The following ARCN1 variants were observed in gnomAD, a reference collection of about 807,000 sequenced individuals.
The protein encoded by ARCN1 is archain 1 coat protein complex I subunit delta.
In ARCN1, 5 loss-of-function variants were observed where a neutral mutation model predicts 60.4. That is an observed-to-expected ratio of 0.08 (90% CI 0.04 to 0.17). The LOEUF (loss-of-function observed/expected upper bound fraction) is 0.17, where lower values mean the gene tolerates loss of function less well. Among genes scored for constraint, ARCN1 ranks in the 10% least tolerant of loss-of-function variants. The pLI is 1.00. For missense variants in ARCN1, 464 were observed against 626.5 expected (o/e 0.74, Z 2.77); for synonymous variants, 224 against 220.0 (o/e 1.02, Z -0.16).
In ARCN1 at chr11:118,572,542, C is replaced by T; in HGVS notation, c.-6C>T. The T allele has an allele frequency of 6.2e-7, 1 of 1,611,522 alleles. No homozygotes were observed. The highest frequency in any genetic ancestry group is 8.5e-7 in the Non-Finnish European group (1 of 1,179,242). Reference sequence around the variant, plus strand: ...AGTGCGGGCGCGCCCCACCACCGCCCTCACCATGGTAAGATCCGAGCCAGG... The same window carrying T: ...AGTGCGGGCGCGCCCCACCACCGCCTTCACCATGGTAAGATCCGAGCCAGG... On this transcript the variant is annotated 5_prime_UTR_variant, in exon 1 of 10. Coordinates refer to ENST00000264028, the MANE Select transcript of ARCN1 (RefSeq NM_001655.5).
intron 8 of ARCN1, among the ~76,000 whole-genome samples, chr11:118,596,887 A>G (rs782312535): frequency 7.9e-5 from 12 of 152,228 alleles, no homozygotes; most frequent in African/African-American, 1.4e-4. Context: ...GTCAACTTCA[A>G]TAAGTTTGAA....
intron 2 of ARCN1, among the ~76,000 whole-genome samples, chr11:118,582,725 TAAA>T (rs1206435516): frequency 5.9e-5 from 6 of 100,856 alleles, no homozygotes; most frequent in Admixed American, 2.2e-4. Context: ...GACTTTGTCT[TAAA>T]AAAAAAAAAA....
chr11:118,596,005 T>C (rs1204811100), intron 8 of ARCN1, among the ~76,000 whole-genome samples: 2 of 151,750 alleles, frequency 1.3e-5, no homozygotes, highest in African/African-American at 4.9e-5. Flanking sequence ...AGGCGGAGCT[T>C]GCAGTGAGCT....
chr11:118,578,824 CTT>C (rs1938581993), intron 1 of ARCN1, among the ~76,000 whole-genome samples: 4 of 146,376 alleles, frequency 2.7e-5, no homozygotes, highest in Non-Finnish European at 6.0e-5. Context: ...GTGCGGATCA[CTT>C]TAGCCCAGGA....
At chr11:118,575,374 G>A (rs1325554930) in intron 1 of ARCN1, among the ~76,000 whole-genome samples, 1 of 151,822 alleles carries the variant, frequency 6.6e-6, no homozygotes, top group Non-Finnish European at 1.5e-5. Flanking sequence ...ATCTATTTAT[G>A]TCTTCATATA....
chr11:118,587,900 C>T (rs931674614), intron 5 of ARCN1, among the ~76,000 whole-genome samples: 2 of 152,202 alleles, frequency 1.3e-5, no homozygotes, highest in African/African-American at 4.8e-5. Context: ...ACTTACTTGA[C>T]ATTTATCAGT....
At chr11:118,572,929 A>T (rs938882458) in intron 1 of ARCN1, 1 of 263,718 alleles carries the variant, frequency 3.8e-6, no homozygotes, top group African/African-American at 2.2e-5. Flanking sequence ...TAGGCTCAGC[A>T]GGCTGGGCCT....
intron 8 of ARCN1, among the ~76,000 whole-genome samples, chr11:118,596,465 C>T (rs1216106278): frequency 6.6e-6 from 1 of 152,198 alleles, no homozygotes; most frequent in African/African-American, 2.4e-5. Context: ...CTCCCGTTGT[C>T]TAGAACTGAT....
Position 118,584,513 on chromosome 11 carries a change from A to T in ARCN1, c.687A>T (p.Gly229=), listed in dbSNP as rs1328473018. Residue 229 remains glycine, a synonymous_variant, in exon 5 of 10, where the codon GGA becomes GGT. Transcript: ENST00000264028. The part of the protein sequence containing the change: ...PSGPSKALKL[G]AKGKEVDNFV... ...GCCCCAGCAAGGCTTTAAAACTTGG[A>T]GCCAAAGGAAAGGAAGTAGATAACT... The T allele has an allele frequency of 1.2e-6, 2 of 1,613,350 alleles. No individual in the cohort carries two copies. The highest frequency in any genetic ancestry group is 3.3e-5 in the Admixed American group (2 of 59,798).
At position 118,592,742 on chromosome 11, in the gene ARCN1, G is replaced by A; in HGVS notation, c.1018G>A (p.Ala340Thr). Residue 340 changes from alanine to threonine, a missense_variant, in exon 7 of 10, where the codon GCA becomes ACA. By Grantham distance (58) the Ala-to-Thr change is moderately conservative. This residue lies in a region of ARCN1 where 359 missense variants were observed against 440.2 expected (regional missense o/e 0.82). Transcript: ENST00000264028. Reference sequence around the variant, plus strand: ...AAATGTGGATAAAAAACTTTTCACTGCAGAGTCTCTAATTGGCCTGAAGAA... The same window carrying A: ...AAATGTGGATAAAAAACTTTTCACTACAGAGTCTCTAATTGGCCTGAAGAA... ...HPNVDKKLFT[A>T]ESLIGLKNPE... 6.2e-7 allele frequency: 1 copy of A among 1,613,890 alleles called. No homozygotes were observed. Among genetic ancestry groups the A allele is most frequent in the Non-Finnish European group, 8.5e-7 (1 of 1,179,904 alleles).
intron 1 of ARCN1, 57 bp from the exon 2 acceptor site, chr11:118,581,189 T>C (rs1938641465): frequency 1.3e-6 from 2 of 1,592,602 alleles, no homozygotes; most frequent in African/African-American, 1.3e-5. Flanking sequence ...CCTGAGATGC[T>C]GAGAAAACAG....
At chr11:118,593,768 A>G in intron 8 of ARCN1, 70 bp downstream of exon 8, 2 of 983,806 alleles carry the variant, frequency 2.0e-6, no homozygotes, top group Non-Finnish European at 1.6e-6. Flanking sequence ...TTTTGGAGTC[A>G]GCACCTACCT....
In ARCN1 at chr11:118,595,131, G is replaced by A. The variant is rs1261482778; in HGVS notation, c.1241+1433G>A. On this transcript the variant is annotated intron_variant, in intron 8 of 9. Transcript: ENST00000264028. The stretch of plus-strand genomic sequence containing the variant: ...TTCCCAAAGTGCTGGGATTACAGGC[G>A]TGAGCCACTGCACCTGGCCTGGAGC... Among the ~76,000 whole-genome samples, 4 of 152,234 alleles carry A rather than the reference G, an allele frequency of 2.6e-5. No individual in the cohort carries two copies. The South Asian group carries it at 6.2e-4, about 24-fold the overall frequency.
chr11:118,597,626 T>C, intron 8 of ARCN1, 81 bp from the exon 9 acceptor site: 2 of 1,496,068 alleles, frequency 1.3e-6, no homozygotes, highest in East Asian at 2.4e-5. Flanking sequence ...TTGGGGATCA[T>C]ATATCAAATT....
chr11:118,581,383 G>A lies in ARCN1; in HGVS notation c.141G>A (p.Thr47=), dbSNP rs781824770. Residue 47 remains threonine, a synonymous_variant, in exon 2 of 10, where the codon ACG becomes ACA. Coordinates refer to ENST00000264028, the MANE Select transcript of ARCN1 (RefSeq NM_001655.5). ...TCATGAACACTGGAAAACAACATAC[G>A]TTTGTTGAAACAGAGAGTGTAAGAT... ...PKLMNTGKQH[T]FVETESVRYV... 7 of 1,614,156 alleles carry A rather than the reference G, an allele frequency of 4.3e-6. No individual in the cohort carries two copies. Among genetic ancestry groups the A allele is most frequent in the Middle Eastern group, 1.6e-4 (1 of 6,062 alleles).
At chr11:118,591,923 TA>T (rs1212842377) in intron 6 of ARCN1, among the ~76,000 whole-genome samples, 4 of 151,722 alleles carry the variant, frequency 2.6e-5, no homozygotes, top group Admixed American at 1.3e-4. Context: ...TTTATTTATT[TA>T]TTTTTTATTT....
intron 2 of ARCN1, among the ~76,000 whole-genome samples, chr11:118,582,390 G>A (rs571607808): frequency 1.3e-5 from 2 of 152,106 alleles, no homozygotes; most frequent in East Asian, 2.0e-4. Context: ...TTGGCGTCCC[G>A]AAGTGCTGGG....
chr11:118,601,547 A>C lies in ARCN1; in HGVS notation c.*833A>C. ...TTTACAGGCATTATATTTATTTGGC[A>C]CTCCTGGAACAAGTATATCTAACCC... On this transcript the variant is annotated 3_prime_UTR_variant, in exon 10 of 10. Transcript: ENST00000264028. 5 of 670,452 alleles carry C rather than the reference A, an allele frequency of 7.5e-6. No individual in the cohort carries two copies. Among genetic ancestry groups the C allele is most frequent in the Non-Finnish European group, 8.1e-6 (3 of 369,226 alleles). 41.5% of individuals were successfully genotyped at this position (670,452 alleles called of 1,614,324 possible). A position where few individuals can be genotyped will look rare whatever the true frequency, so the allele number is the denominator to read the frequency against.
intron 5 of ARCN1, among the ~76,000 whole-genome samples, chr11:118,584,853 TCTCA>T (rs1265756946): frequency 1.3e-5 from 2 of 152,052 alleles, no homozygotes; most frequent in African/African-American, 4.8e-5. Flanking sequence ...TGAGATGGAG[TCTCA>T]CTCTGTCACC....
Sources: gnomAD v4.1 joint callset for allele counts (sites outside exome capture counted in the v4.1 genomes callset) on GRCh38, gnomAD v4.1.1 for gene constraint, gnomAD v4.1.1 regional missense constraint, MANE v1.5 for transcripts, NCBI Gene and HGNC (gene_info 2026-07-23, HGNC 2026-07-21) for gene names.